Variants in WDFY2 observed in about 807,000 individuals in gnomAD.
WDFY2 encodes WD repeat and FYVE domain containing 2.
Under a neutral mutation model 56.4 loss-of-function variants are expected in WDFY2, and 36 were observed. That is an observed-to-expected ratio of 0.64 (90% CI 0.49 to 0.84). WDFY2 has a LOEUF of 0.84. Among genes scored for constraint, WDFY2 ranks in the 40% least tolerant of loss-of-function variants. WDFY2 has a pLI of 0.00. For synonymous variants in WDFY2, 176 were observed against 183.7 expected (o/e 0.96, Z 0.34); for missense variants, 444 against 512.2 (o/e 0.87, Z 1.29).
chr13:51,693,603 C>G (rs1216972351), intron 3 of WDFY2, among the ~76,000 whole-genome samples: 3 of 151,988 alleles, frequency 2.0e-5, no homozygotes, highest in Non-Finnish European at 2.9e-5. Flanking sequence ...TTACTTCCAC[C>G]TATGTGGTCA....
At chr13:51,638,534 A>C (rs1408384235) in intron 1 of WDFY2, among the ~76,000 whole-genome samples, 1 of 152,242 alleles carries the variant, frequency 6.6e-6, no homozygotes, top group Non-Finnish European at 1.5e-5. Context: ...AGAATGATTG[A>C]GCTTCCGTGC....
intron 3 of WDFY2, among the ~76,000 whole-genome samples, chr13:51,684,154 T>G (rs1337359237): frequency 6.6e-6 from 1 of 152,142 alleles, no homozygotes; most frequent in Non-Finnish European, 1.5e-5. Flanking sequence ...AATTTCACGG[T>G]TGCAAAAAGA....
Position 51,751,589 on chromosome 13 carries a change from T to A in WDFY2, c.831+174T>A, listed in dbSNP as rs1195068376. On this transcript the variant is annotated intron_variant, in intron 8 of 11. Transcript: ENST00000298125. ...TTTTTTTCCCTCACAAGTTGGCATGTAACATTACTGTGATGGAGAGTTCAT... is the reference window on the plus strand; with the variant it reads ...TTTTTTTCCCTCACAAGTTGGCATGAAACATTACTGTGATGGAGAGTTCAT... 4.8e-6 allele frequency: 3 copies of A among 629,154 alleles called. No homozygotes were observed. The African/African-American group carries it at 5.6e-5, about 12-fold the overall frequency. 39.0% of individuals were successfully genotyped at this position (629,154 alleles called of 1,614,324 possible). A position where few individuals can be genotyped will look rare whatever the true frequency, so the allele number is the denominator to read the frequency against.
intron 3 of WDFY2, among the ~76,000 whole-genome samples, chr13:51,695,213 C>T (rs779976343): frequency 1.3e-5 from 2 of 152,330 alleles, no homozygotes; most frequent in Middle Eastern, 3.4e-3. Context: ...AGCTTTGTTC[C>T]GTTGCTGGTG....
Position 51,675,243 on chromosome 13 carries a change from A to C in WDFY2, c.279A>C (p.Ser93=). The C allele has an allele frequency of 3.7e-6, 6 of 1,611,232 alleles. No homozygotes were observed. Among genetic ancestry groups the C allele is most frequent in the Non-Finnish European group, 4.2e-6 (5 of 1,177,420 alleles). Residue 93 remains serine (S), a splice_region_variant and synonymous_variant, in exon 3 of 12, where the codon TCA becomes TCC. Coordinates refer to ENST00000298125, the MANE Select transcript of WDFY2 (RefSeq NM_052950.4). ...LSIGLDNGTI[S]EFILSEDYNK... The stretch of plus-strand genomic sequence containing the variant: ...TAGGTCTAGACAATGGTACAATCTC[A>C]GTAAGTACACATAAATAAGATTTCC...
chr13:51,745,527 G>A (rs1953074227), intron 7 of WDFY2, among the ~76,000 whole-genome samples: 1 of 152,028 alleles, frequency 6.6e-6, no homozygotes, highest in Admixed American at 6.6e-5. Context: ...TATTCTTTAA[G>A]AGTTGTAAAT....
At chr13:51,615,537 T>G (rs1954594906) in intron 1 of WDFY2, among the ~76,000 whole-genome samples, 1 of 152,228 alleles carries the variant, frequency 6.6e-6, no homozygotes. Context: ...CTTTGATTGT[T>G]TAACAAAGGC....
intron 1 of WDFY2, among the ~76,000 whole-genome samples, chr13:51,643,536 C>T (rs187276071): frequency 1.3e-5 from 2 of 152,288 alleles, no homozygotes; most frequent in East Asian, 3.9e-4. Context: ...CCCGATTTCT[C>T]CTACAGGGTG....
intron 1 of WDFY2, chr13:51,590,277 T>A (rs960360022): frequency 6.6e-6 from 1 of 152,214 alleles, no homozygotes; most frequent in South Asian, 2.1e-4. Flanking sequence ...CTAAACTTAC[T>A]TTGAAAAAGG....
intron 1 of WDFY2, among the ~76,000 whole-genome samples, chr13:51,585,850 T>G (rs1953927112): frequency 6.6e-6 from 1 of 152,212 alleles, no homozygotes; most frequent in Non-Finnish European, 1.5e-5. Flanking sequence ...AAAGTGCTCA[T>G]TGCTGTCTTT....
intron 1 of WDFY2, among the ~76,000 whole-genome samples, chr13:51,639,122 C>A (rs139955777): frequency 5.3e-5 from 8 of 152,202 alleles, no homozygotes; most frequent in African/African-American, 1.9e-4. Context: ...TGGCAAGAGA[C>A]TTTTCTCAAC....
chr13:51,614,427 T>C (rs186297064), intron 1 of WDFY2, among the ~76,000 whole-genome samples: 1 of 152,352 alleles, frequency 6.6e-6, no homozygotes, highest in East Asian at 1.9e-4. Context: ...TTTCCTTTTA[T>C]ACCAAGAAGT....
intron 1 of WDFY2, among the ~76,000 whole-genome samples, chr13:51,612,525 A>G (rs1954522620): frequency 6.6e-6 from 1 of 152,216 alleles, no homozygotes; most frequent in Non-Finnish European, 1.5e-5. Context: ...TACACATTTC[A>G]AAAAGTTTGT....
chr13:51,679,492 A>G (rs192250080), intron 3 of WDFY2, among the ~76,000 whole-genome samples: 1 of 152,236 alleles, frequency 6.6e-6, no homozygotes, highest in East Asian at 1.9e-4. Context: ...TTTGATTGGG[A>G]TGAGAGGATT....
intron 4 of WDFY2, among the ~76,000 whole-genome samples, chr13:51,708,534 G>T (rs1192904834): frequency 6.6e-6 from 1 of 150,948 alleles, no homozygotes; most frequent in African/African-American, 2.4e-5. Context: ...CAGCTAATAG[G>T]CAAACCAAGG....
chr13:51,608,927 A>G (rs1344156689), intron 1 of WDFY2, among the ~76,000 whole-genome samples: 5 of 152,032 alleles, frequency 3.3e-5, no homozygotes, highest in Admixed American at 6.6e-5. Context: ...TCTGTTATCA[A>G]CAATGCTTAA....
intron 1 of WDFY2, among the ~76,000 whole-genome samples, chr13:51,621,987 T>C (rs996601709): frequency 1.2e-4 from 18 of 152,330 alleles, no homozygotes; most frequent in Non-Finnish European, 2.1e-4. Context: ...TGTAGCTTGA[T>C]GTAGAAAGAT....
At chr13:51,627,363 G>A (rs1018412907) in intron 1 of WDFY2, among the ~76,000 whole-genome samples, 1 of 152,010 alleles carries the variant, frequency 6.6e-6, no homozygotes, top group East Asian at 1.9e-4. Flanking sequence ...TGACGGGTCC[G>A]TAGTCCTTTT....
intron 6 of WDFY2, among the ~76,000 whole-genome samples, chr13:51,733,719 G>T (rs1952774354): frequency 1.3e-5 from 2 of 152,190 alleles, no homozygotes; most frequent in East Asian, 3.8e-4. Context: ...TTTAAGATCT[G>T]TTTGGAGAAC....
Sources: gnomAD v4.1 joint callset for allele counts (sites outside exome capture counted in the v4.1 genomes callset) on GRCh38, gnomAD v4.1.1 for gene constraint, MANE v1.5 for transcripts, NCBI Gene and HGNC (gene_info 2026-07-23, HGNC 2026-07-21) for gene names.